Variants in NREP observed in about 807,000 individuals in gnomAD.
The protein encoded by NREP is neuronal regeneration-related protein.
A neutral mutation model predicts 8.6 loss-of-function variants in NREP; 5 were observed. That is an observed-to-expected ratio of 0.58 (90% CI 0.30 to 1.22). The LOEUF is 1.22. Ranked by LOEUF, NREP falls within the 50% of genes most tolerant of loss-of-function variation. The probability of loss-of-function intolerance (pLI) is 0.07; values close to 1 mark genes in which losing one functional copy is unlikely to be tolerated. For missense variants in NREP, 86 were observed against 82.5 expected (o/e 1.04, Z -0.17); for synonymous variants, 27 against 28.0 (o/e 0.96, Z 0.11).
Position 111,897,719 on chromosome 5 carries a change from G to A in NREP, c.135+77555C>T, listed in dbSNP as rs118129159. The stretch of plus-strand genomic sequence containing the variant: ...TGCTTAATGGGTTCTTCCTAACTTT[G>A]TTCTCTATTATTAATAAGTCTCTCT... On this transcript the variant is annotated intron_variant, in intron 2 of 3. Transcript: ENST00000395634. Among the ~76,000 whole-genome samples the A allele has an allele frequency of 4.0e-4, 60 of 151,878 alleles. No homozygotes were observed. In the East Asian group the frequency reaches 0.012, roughly 29 times the overall value.
chr5:111,835,666 A>T (rs1413888911), intron 2 of NREP, among the ~76,000 whole-genome samples: 4 of 152,120 alleles, frequency 2.6e-5, no homozygotes, highest in Admixed American at 6.6e-5. Context: ...GTTACTTGTA[A>T]CCTTAAAGGA....
chr5:111,836,164 GT>G (rs1325859843), intron 2 of NREP, among the ~76,000 whole-genome samples: 1 of 152,094 alleles, frequency 6.6e-6, no homozygotes, highest in Non-Finnish European at 1.5e-5. Context: ...TTGCAATCTA[GT>G]TCAGGTAAAA....
At chr5:111,899,659 A>T (rs1282625246) in intron 2 of NREP, among the ~76,000 whole-genome samples, 1 of 152,232 alleles carries the variant, frequency 6.6e-6, no homozygotes, top group African/African-American at 2.4e-5. Flanking sequence ...GGTTGAATTG[A>T]TTTTTTTAAG....
At chr5:111,971,549 G>A (rs1329349323) in intron 2 of NREP, among the ~76,000 whole-genome samples, 14 of 152,190 alleles carry the variant, frequency 9.2e-5, no homozygotes, top group Admixed American at 7.2e-4. Context: ...GAACAGAATA[G>A]AGAGCCCAGA....
At chr5:111,884,489 C>A (rs1475096599) in intron 2 of NREP, among the ~76,000 whole-genome samples, 1 of 152,100 alleles carries the variant, frequency 6.6e-6, no homozygotes, top group South Asian at 2.1e-4. Flanking sequence ...CCAGCATCAT[C>A]CTGATACCAA....
intron 2 of NREP, among the ~76,000 whole-genome samples, chr5:111,966,973 C>G (rs1236360926): frequency 6.6e-6 from 1 of 152,206 alleles, no homozygotes; most frequent in Admixed American, 6.5e-5. Flanking sequence ...TGCTTCTCAA[C>G]AAAGAGACAT....
intron 2 of NREP, among the ~76,000 whole-genome samples, chr5:111,878,783 G>C (rs1250323402): frequency 6.6e-6 from 1 of 152,110 alleles, no homozygotes; most frequent in Admixed American, 6.5e-5. Context: ...CATGGGCTTT[G>C]TAACCAAGCA....
chr5:111,973,522 C>T (rs531875400), intron 2 of NREP, among the ~76,000 whole-genome samples: 3 of 152,144 alleles, frequency 2.0e-5, no homozygotes, highest in Non-Finnish European at 4.4e-5. Context: ...TTGCATCCTG[C>T]GAAAATATTT....
rs1242634423 is a variant in NREP, at chr5:111,729,974, A to AAT, written c.*945_*946dup. On this transcript the variant is annotated 3_prime_UTR_variant, in exon 4 of 4. Transcript: ENST00000257435. ...AACGGTTTTGCTCTTTTTTTCGACA[A>AAT]ATATCCTTTCAAACAGAAAGAACCC... The AAT allele has an allele frequency of 2.7e-5, 4 of 146,142 alleles. No individual in the cohort carries two copies. Among genetic ancestry groups the AAT allele is most frequent in the Non-Finnish European group, 5.9e-5 (4 of 67,582 alleles). The allele number at this position is 146,142 out of a possible 1,614,324, so 9.1% of individuals were successfully genotyped here.
At chr5:111,785,082 A>G (rs1751578111) in intron 2 of NREP, among the ~76,000 whole-genome samples, 1 of 152,042 alleles carries the variant, frequency 6.6e-6, no homozygotes, top group African/African-American at 2.4e-5. Flanking sequence ...CAGAATCTAT[A>G]TCCTGTTTTG....
chr5:111,769,406 TAAC>T (rs1353382461), intron 2 of NREP, among the ~76,000 whole-genome samples: 7 of 152,064 alleles, frequency 4.6e-5, no homozygotes, highest in Admixed American at 3.3e-4. Context: ...TAAAGAAAAT[TAAC>T]AACAACAACA....
chr5:111,758,738 T>C (rs1444025911), upstream of NREP, among the ~76,000 whole-genome samples: 1 of 152,276 alleles, frequency 6.6e-6, no homozygotes, highest in Non-Finnish European at 1.5e-5. Flanking sequence ...GAATGTCTGA[T>C]GTTTTAGATT....
At chr5:111,975,424 G>T in intron 1 of NREP, 1 of 1,334,284 alleles carries the variant, frequency 7.5e-7, no homozygotes, top group Non-Finnish European at 1.1e-6. Flanking sequence ...TGACCCCCCT[G>T]AGTGCCACAA....
At chr5:111,899,045 A>T (rs1223992067) in intron 2 of NREP, among the ~76,000 whole-genome samples, 1 of 152,234 alleles carries the variant, frequency 6.6e-6, no homozygotes, top group Non-Finnish European at 1.5e-5. Flanking sequence ...GGAAAAACTG[A>T]GGAAATTCAT....
chr5:111,825,599 G>C (rs1752604200), intron 2 of NREP, among the ~76,000 whole-genome samples: 2 of 152,168 alleles, frequency 1.3e-5, no homozygotes, highest in East Asian at 1.9e-4. Flanking sequence ...AAATCTCCTG[G>C]AATGCAAGAA....
In NREP at chr5:111,793,216, T is replaced by C. The variant is rs561385713; in HGVS notation, c.136-57709A>G. On this transcript the variant is annotated intron_variant, in intron 2 of 3. Transcript: ENST00000395634. ...GGCTTCTCAAGAGAAACAGAACCAATAGGATATATATAGATATATAAGAGG... is the reference window on the plus strand; with the variant it reads ...GGCTTCTCAAGAGAAACAGAACCAACAGGATATATATAGATATATAAGAGG... Among the ~76,000 whole-genome samples, 99 of 152,202 alleles carry C rather than the reference T, an allele frequency of 6.5e-4. 1 individual carries two copies. The South Asian group carries it at 0.02, about 31-fold the overall frequency.
At chr5:111,870,734 C>A (rs1161142694) in intron 2 of NREP, among the ~76,000 whole-genome samples, 3 of 152,008 alleles carry the variant, frequency 2.0e-5, no homozygotes, top group African/African-American at 7.2e-5. Context: ...AAGAGAGAGA[C>A]ACACAGGAAA....
At chr5:111,777,992 A>G (rs1751404527) in intron 2 of NREP, among the ~76,000 whole-genome samples, 1 of 152,170 alleles carries the variant, frequency 6.6e-6, no homozygotes, top group Non-Finnish European at 1.5e-5. Context: ...GTTAAACAGC[A>G]AAATATCAAA....
At chr5:111,866,071 T>G (rs1753656873) in intron 2 of NREP, among the ~76,000 whole-genome samples, 1 of 152,134 alleles carries the variant, frequency 6.6e-6, no homozygotes. Flanking sequence ...GTAGGACTTG[T>G]TAGAAAGACA....
Sources: allele counts gnomAD v4.1 joint callset (sites outside exome capture counted in the v4.1 genomes callset), GRCh38; gene constraint gnomAD v4.1.1; transcripts MANE v1.5; gene names NCBI Gene and HGNC (gene_info 2026-07-23, HGNC 2026-07-21).